The following CYTH3 variants were observed in gnomAD, a reference collection of about 807,000 sequenced individuals.
CYTH3 encodes the protein cytohesin-3.
CYTH3 carries 23 observed loss-of-function variants against 55.1 expected under a neutral mutation model. That is an observed-to-expected ratio of 0.42 (90% confidence interval 0.30 to 0.59). CYTH3 has a LOEUF of 0.59. CYTH3 is among the 20% of genes least tolerant of loss of function. The pLI, the probability that CYTH3 is intolerant of heterozygous loss-of-function variation, is 0.20. For missense variants in CYTH3, 413 were observed against 524.8 expected, an observed-to-expected ratio of 0.79 and a Z score of 2.08; for synonymous variants, 249 against 194.9, an observed-to-expected ratio of 1.28 and a Z score of -2.31.
intron 1 of CYTH3, among the ~76,000 whole-genome samples, chr7:6,255,782 G>A: frequency 5.6e-5 from 1 of 17,838 alleles, no homozygotes; most frequent in South Asian, 1.4e-3. Context: ...TTTTTTTTTT[G>A]AGATGGAATC....
At chr7:6,257,703 T>A (rs772522009) in intron 1 of CYTH3, among the ~76,000 whole-genome samples, 1 of 152,190 alleles carries the variant, frequency 6.6e-6, no homozygotes, top group Non-Finnish European at 1.5e-5. Context: ...GGCGAGGAGA[T>A]CCTTACTGAA....
At chr7:6,231,300 G>T (rs1370403044) in intron 1 of CYTH3, among the ~76,000 whole-genome samples, 1 of 152,236 alleles carries the variant, frequency 6.6e-6, no homozygotes, top group Non-Finnish European at 1.5e-5. Context: ...GGAGGAGGAA[G>T]AGGAGTTGGC....
At position 6,167,846 on chromosome 7, in the gene CYTH3, C is replaced by G. The variant is rs1168781776; in HGVS notation, c.824-2036G>C. On this transcript the variant is annotated intron_variant, in intron 9 of 12. Transcript: ENST00000350796. This position sits in a 1 kb window ranked among gnomAD's most constrained non-coding sequence, Gnocchi z 5.5. ...CCACTAGCCCACACACCTGGCCCCG[C>G]CTGGGAGGGGTCTGCCAGGTGGCCT... 2.0e-5 allele frequency among the ~76,000 whole-genome samples: 3 copies of G among 152,248 alleles called. No homozygotes were observed. The highest frequency in any genetic ancestry group is 4.4e-5 in the Non-Finnish European group (3 of 68,050).
intron 1 of CYTH3, among the ~76,000 whole-genome samples, chr7:6,263,803 A>G (rs754200164): frequency 2.6e-4 from 35 of 134,564 alleles, no homozygotes; most frequent in South Asian, 1.1e-3. Flanking sequence ...TAACTTCAGG[A>G]AAAAAAAAAA....
At chr7:6,268,636 C>T (rs569078627) in intron 1 of CYTH3, among the ~76,000 whole-genome samples, 2 of 152,252 alleles carry the variant, frequency 1.3e-5, no homozygotes, top group Middle Eastern at 6.8e-3. Context: ...TAATCTTGTA[C>T]CTATGTTATC....
At chr7:6,180,903 T>C (rs918905767) in intron 4 of CYTH3, among the ~76,000 whole-genome samples, 5 of 152,216 alleles carry the variant, frequency 3.3e-5, no homozygotes, top group Non-Finnish European at 4.4e-5. Flanking sequence ...GTCATTACTT[T>C]AGCCCAATCA....
rs556728211 is a variant in CYTH3, at chr7:6,227,557, T to C, written c.35-37026A>G. On this transcript the variant is annotated intron_variant, in intron 1 of 12. Transcript: ENST00000350796. ...GCATCAGACTTGGAAGCGTTCCCACTACAGACAGAATCAAAACGAGGATGC... is the reference window on the plus strand; with the variant it reads ...GCATCAGACTTGGAAGCGTTCCCACCACAGACAGAATCAAAACGAGGATGC... Among the ~76,000 whole-genome samples, 34 of 152,286 alleles carry C rather than the reference T, an allele frequency of 2.2e-4. No homozygotes were observed. The South Asian group carries it at 6.8e-3, about 31-fold the overall frequency.
At chr7:6,257,695 C>T (rs181338042) in intron 1 of CYTH3, among the ~76,000 whole-genome samples, 2 of 152,140 alleles carry the variant, frequency 1.3e-5, no homozygotes, top group East Asian at 1.9e-4. Flanking sequence ...CACTCTATGG[C>T]GAGGAGATCC....
intron 1 of CYTH3, among the ~76,000 whole-genome samples, chr7:6,260,189 T>C (rs895022236): frequency 2.2e-4 from 34 of 152,170 alleles, no homozygotes; most frequent in African/African-American, 8.2e-4. Context: ...TTTTAAAATT[T>C]CATTTCATTT....
At position 6,171,361 on chromosome 7, in the gene CYTH3, G is replaced by A. The variant is rs1164312185; in HGVS notation, c.450-47C>T. ...GGGAAGCCGCATCAGAACCAACACC[G>A]CCTCACGGCCAAGGGCGGCTTCTGC... On this transcript the variant is annotated intron_variant, in intron 6 of 12. Transcript: ENST00000350796. The surrounding 1 kb of genome is among the most constrained non-coding windows in gnomAD (Gnocchi z 6.7). 7 of 1,579,314 alleles carry A rather than the reference G, an allele frequency of 4.4e-6. No homozygotes were observed. The highest frequency in any genetic ancestry group is 4.0e-5 in the African/African-American group (3 of 74,198).
At chr7:6,249,812 CCA>C (rs1779914266) in intron 1 of CYTH3, among the ~76,000 whole-genome samples, 1 of 152,170 alleles carries the variant, frequency 6.6e-6, no homozygotes, top group African/African-American at 2.4e-5. Flanking sequence ...GAAATGATGA[CCA>C]CAGTCAGGAA....
rs1780694198 is a variant in CYTH3 at position 6,272,516 on chromosome 7, C to T, written c.-9G>A. 1.5e-6 allele frequency: 2 copies of T among 1,343,438 alleles called. No individual in the cohort carries two copies. The highest frequency in any genetic ancestry group is 1.6e-5 in the South Asian group (1 of 64,224). 83.2% of individuals were successfully genotyped at this position (1,343,438 alleles called of 1,614,324 possible). A position where few individuals can be genotyped will look rare whatever the true frequency, so the allele number is the denominator to read the frequency against. ...CCGCCGTCTTCATCCATCTTGAGGCCACTCCCGCAGCCGGCGAGCCGGGGG... is the reference window on the plus strand; with the variant it reads ...CCGCCGTCTTCATCCATCTTGAGGCTACTCCCGCAGCCGGCGAGCCGGGGG... On this transcript the variant is annotated 5_prime_UTR_variant, in exon 1 of 13. Coordinates refer to ENST00000350796, the MANE Select transcript of CYTH3 (RefSeq NM_004227.4).
chr7:6,266,583 C>T (rs1278264789), intron 1 of CYTH3, among the ~76,000 whole-genome samples: 1 of 152,186 alleles, frequency 6.6e-6, no homozygotes, highest in Non-Finnish European at 1.5e-5. Flanking sequence ...TCAAGCCACA[C>T]AAAGCTGCTT....
Position 6,173,685 on chromosome 7 carries a change from C to T in CYTH3, c.417G>A (p.Glu139=), listed in dbSNP as rs1286403526. 6.2e-7 allele frequency: 1 copy of T among 1,612,500 alleles called. No individual in the cohort carries two copies. Among genetic ancestry groups the T allele is most frequent in the South Asian group, 1.1e-5 (1 of 91,056 alleles). The change falls in exon 6 of 13, where the codon GAG becomes GAA. Residue 139 remains glutamate (E), a synonymous_variant. Coordinates refer to ENST00000350796, the MANE Select transcript of CYTH3 (RefSeq NM_004227.4). ...KVLQAFVELH[E]FADLNLVQAL... The stretch of plus-strand genomic sequence containing the variant: ...CTTGTACAAGGTTGAGATCAGCAAA[C>T]TCATGGAGTTCAACAAAGGCTTGAA...
At chr7:6,245,942 T>C (rs1779803139) in intron 1 of CYTH3, among the ~76,000 whole-genome samples, 3 of 152,164 alleles carry the variant, frequency 2.0e-5, no homozygotes, top group Admixed American at 6.5e-5. Context: ...GAATCACAAA[T>C]GATCTAAATT....
At chr7:6,253,048 T>A (rs905214123) in intron 1 of CYTH3, among the ~76,000 whole-genome samples, 1 of 152,150 alleles carries the variant, frequency 6.6e-6, no homozygotes, top group East Asian at 1.9e-4. Flanking sequence ...GAAAAATGAA[T>A]GTCACTTTTA....
At chr7:6,228,697 A>G (rs1216872493) in intron 1 of CYTH3, among the ~76,000 whole-genome samples, 1 of 152,150 alleles carries the variant, frequency 6.6e-6, no homozygotes, top group African/African-American at 2.4e-5. Flanking sequence ...GTCCTCCCAC[A>G]CTTTCTATCA....
At chr7:6,176,992 A>C (rs916357955) in intron 5 of CYTH3, among the ~76,000 whole-genome samples, 3 of 152,210 alleles carry the variant, frequency 2.0e-5, no homozygotes, top group Non-Finnish European at 4.4e-5. Context: ...TTTGTCCTTT[A>C]TGTGAAAGAT....
At chr7:6,243,939 TCTC>T (rs989512586) in intron 1 of CYTH3, among the ~76,000 whole-genome samples, 12 of 152,234 alleles carry the variant, frequency 7.9e-5, no homozygotes, top group Admixed American at 1.3e-4. Context: ...ATGGAAATTC[TCTC>T]CTGTTAGGAA....
Sources: allele counts gnomAD v4.1 joint callset (sites outside exome capture counted in the v4.1 genomes callset), GRCh38; gene constraint gnomAD v4.1.1; non-coding constraint Gnocchi (gnomAD v3.1); transcripts MANE v1.5; gene names NCBI Gene and HGNC (gene_info 2026-07-23, HGNC 2026-07-21).